UBE2Q1: variants seen among roughly 807,000 people sequenced by gnomAD.
UBE2Q1 encodes ubiquitin-conjugating enzyme E2 Q1.
A neutral mutation model predicts 60.1 loss-of-function variants in UBE2Q1; 6 were observed. That is an observed-to-expected ratio of 0.10 (90% confidence interval 0.05 to 0.20). UBE2Q1 has a LOEUF of 0.20. Ranked by LOEUF, UBE2Q1 falls within the 10% of genes least tolerant of loss-of-function variation. The probability of loss-of-function intolerance (pLI) is 1.00; values close to 1 mark genes in which losing one functional copy is unlikely to be tolerated. For synonymous variants in UBE2Q1, 226 were observed against 208.3 expected (o/e 1.09, Z -0.73); for missense variants, 262 against 525.8 (o/e 0.50, Z 4.91).
chr1:154,557,810 C>G (rs1695918702), intron 1 of UBE2Q1, among the ~76,000 whole-genome samples: 1 of 152,120 alleles, frequency 6.6e-6, no homozygotes, highest in Non-Finnish European at 1.5e-5. Flanking sequence ...GGGGGCATCG[C>G]TGAAATGTGC....
rs1269992544 is a variant in UBE2Q1 at position 154,550,250 on chromosome 1, AAC to A, written c.*186_*187del. 1 of 812,082 alleles carries A rather than the reference AAC, an allele frequency of 1.2e-6. No homozygotes were observed. The highest frequency in any genetic ancestry group is 1.7e-5 in the African/African-American group (1 of 57,972). 50.3% of individuals were successfully genotyped at this position (812,082 alleles called of 1,614,324 possible). On this transcript the variant is annotated 3_prime_UTR_variant, in exon 13 of 13. Transcript: ENST00000292211. ...CTGTAAGTCAGTCTTGAGTACTTGA[AAC>A]AGTTCTGTGTTTGTTTTTTTTCCTT... is the stretch of plus-strand genomic sequence containing the variant.
intron 1 of UBE2Q1, among the ~76,000 whole-genome samples, chr1:154,557,725 G>C (rs1048709392): frequency 2.6e-5 from 4 of 152,204 alleles, no homozygotes; most frequent in African/African-American, 9.7e-5. Context: ...GAGAGAGCAA[G>C]AGGGTCTGCA....
intron 12 of UBE2Q1, 69 bp downstream of exon 12, chr1:154,550,869 C>A: frequency 6.2e-7 from 1 of 1,612,978 alleles, no homozygotes; most frequent in South Asian, 1.1e-5. Context: ...GGTTCTTGCT[C>A]TGTGGCTGGA....
chr1:154,548,770 C>T lies in UBE2Q1; in HGVS notation c.*1668G>A, dbSNP rs1447341727. On this transcript the variant is annotated 3_prime_UTR_variant, in exon 13 of 13. Coordinates refer to ENST00000292211, the MANE Select transcript of UBE2Q1 (RefSeq NM_017582.7). ...ATTTCAGCTCTATGGAATGAATTTT[C>T]CCCTTATGTCCCGTCTTTATCTCAA... 6.6e-6 allele frequency: 1 copy of T among 152,578 alleles called. No individual in the cohort carries two copies. Among genetic ancestry groups the T allele is most frequent in the Non-Finnish European group, 1.5e-5 (1 of 68,050 alleles). The allele number at this position is 152,578 out of a possible 1,614,324, so 9.5% of individuals were successfully genotyped here. A position where few individuals can be genotyped will look rare whatever the true frequency, so the allele number is the denominator to read the frequency against.
Position 154,552,736 on chromosome 1 carries a change from C to T in UBE2Q1, c.814G>A (p.Gly272Arg). 2 of 1,613,812 alleles carry T rather than the reference C, an allele frequency of 1.2e-6. No individual in the cohort carries two copies. Among genetic ancestry groups the T allele is most frequent in the South Asian group, 1.1e-5 (1 of 91,024 alleles). ...AGGCCCCTCTCTGGGGCAAACTCAC[C>T]GCCTTTGAAACTCTGTGATCGGTAT... is the stretch of plus-strand genomic sequence containing the variant. ...DIYRSQSFKG[G>R]NYAVELVNDS... Residue 272 changes from glycine to arginine, a missense_variant and splice_region_variant, in exon 6 of 13, where the codon GGA becomes AGA. Gly to Arg is a moderately radical substitution (Grantham distance 125, BLOSUM62 -2). Coordinates refer to ENST00000292211, the MANE Select transcript of UBE2Q1 (RefSeq NM_017582.7).
intron 1 of UBE2Q1, among the ~76,000 whole-genome samples, chr1:154,557,635 TAG>T (rs777293175): frequency 1.3e-5 from 2 of 152,112 alleles, no homozygotes; most frequent in Admixed American, 6.5e-5. Context: ...AGAGGAGAGT[TAG>T]AGGTTACACC....
At chr1:154,553,377 T>C (rs1695825984) in intron 4 of UBE2Q1, among the ~76,000 whole-genome samples, 1 of 152,222 alleles carries the variant, frequency 6.6e-6, no homozygotes, top group African/African-American at 2.4e-5. Flanking sequence ...AATCTTCAGC[T>C]CTCAAGCTAC....
chr1:154,552,647 C>T, intron 6 of UBE2Q1, 89 bp downstream of exon 6: 3 of 1,518,248 alleles, frequency 2.0e-6, no homozygotes, highest in Non-Finnish European at 2.7e-6. Context: ...CATAAGCACT[C>T]CTGGACCCCA....
chr1:154,553,888 A>G (rs1695838965), intron 4 of UBE2Q1, among the ~76,000 whole-genome samples: 1 of 152,204 alleles, frequency 6.6e-6, no homozygotes, highest in Middle Eastern at 3.2e-3. Context: ...ACTATCTGGG[A>G]GGAGTAAATT....
At chr1:154,556,279 C>T (rs1367160364) in intron 1 of UBE2Q1, among the ~76,000 whole-genome samples, 2 of 152,206 alleles carry the variant, frequency 1.3e-5, no homozygotes, top group Non-Finnish European at 2.9e-5. Flanking sequence ...GACTCCTCAT[C>T]TCCTGCACTG....
Position 154,555,932 on chromosome 1 carries a change from C to T in UBE2Q1, c.360G>A (p.Ser120=), listed in dbSNP as rs1307219138. 7 of 1,614,046 alleles carry T rather than the reference C, an allele frequency of 4.3e-6. No homozygotes were observed. Among genetic ancestry groups the T allele is most frequent in the East Asian group, 2.2e-5 (1 of 44,884 alleles). The part of the protein sequence containing the change: ...ESYPAVPPIW[S]VESDDPNLAA... Reference sequence around the variant, plus strand: ...CCAAGTTAGGGTCATCAGACTCCACCGACCAGATGGGGGGCACAGCAGGGT... The same window carrying T: ...CCAAGTTAGGGTCATCAGACTCCACTGACCAGATGGGGGGCACAGCAGGGT... The change falls in exon 2 of 13, where the codon TCG becomes TCA. Residue 120 remains serine, a synonymous_variant. Transcript: ENST00000292211.
intron 4 of UBE2Q1, 77 bp downstream of exon 4, chr1:154,554,658 T>C: frequency 7.0e-7 from 1 of 1,437,612 alleles, no homozygotes; most frequent in Non-Finnish European, 9.7e-7. Flanking sequence ...AGTTTTAGAC[T>C]GGAGTTCTGG....
chr1:154,551,116 G>T, intron 11 of UBE2Q1, 112 bp from the exon 12 acceptor site: 1 of 1,240,640 alleles, frequency 8.1e-7, no homozygotes, highest in Non-Finnish European at 1.2e-6. Context: ...CAGCACTGTG[G>T]TCTAGTAAAA....
Position 154,549,610 on chromosome 1 carries a change from A to G in UBE2Q1, c.*828T>C, listed in dbSNP as rs566148347. 1 of 152,794 alleles carries G rather than the reference A, an allele frequency of 6.5e-6. No individual in the cohort carries two copies. The highest frequency in any genetic ancestry group is 2.4e-5 in the African/African-American group (1 of 41,578). 9.5% of individuals were successfully genotyped at this position (152,794 alleles called of 1,614,324 possible). A position where few individuals can be genotyped will look rare whatever the true frequency, so the allele number is the denominator to read the frequency against. ...CTGTGTCCCCATCCCCACTCAATTC[A>G]TTCAAAAGGAATTCTACGAAGCAGC... On this transcript the variant is annotated 3_prime_UTR_variant, in exon 13 of 13. Coordinates refer to ENST00000292211, the MANE Select transcript of UBE2Q1 (RefSeq NM_017582.7).
chr1:154,556,149 G>A (rs555549442), intron 1 of UBE2Q1, among the ~76,000 whole-genome samples, 185 bp from the exon 2 acceptor site: 1 of 148,244 alleles, frequency 6.7e-6, no homozygotes, highest in East Asian at 2.0e-4. Context: ...TTCTAAACTG[G>A]AAGAAAAACA....
At chr1:154,552,879 G>T in intron 5 of UBE2Q1, 59 bp from the exon 6 acceptor site, 2 of 1,603,320 alleles carry the variant, frequency 1.2e-6, no homozygotes, top group South Asian at 2.2e-5. Context: ...ACACACGTTA[G>T]ACCTTAGGGG....
rs1001460027 is a variant in UBE2Q1 at position 154,552,538 on chromosome 1, C to T, written c.815-74G>A. On this transcript the variant is annotated intron_variant, in intron 6 of 12. Coordinates refer to ENST00000292211, the MANE Select transcript of UBE2Q1 (RefSeq NM_017582.7). ...GTGGTCTCTAATGCAGACCCCTTTC[C>T]CAGACTGAGAGAAAAAGATCAACAG... The T allele has an allele frequency of 3.8e-6, 6 of 1,563,372 alleles. No homozygotes were observed. The African/African-American group carries it at 8.2e-5, about 21-fold the overall frequency.
intron 4 of UBE2Q1, among the ~76,000 whole-genome samples, chr1:154,553,400 G>C (rs1308854462): frequency 6.6e-6 from 1 of 152,176 alleles, no homozygotes; most frequent in South Asian, 2.1e-4. Flanking sequence ...CAAGGACTTC[G>C]GAAACGAGCA....
At chr1:154,552,613 G>A (rs989631119) in intron 6 of UBE2Q1, 123 bp downstream of exon 6, 6 of 1,422,006 alleles carry the variant, frequency 4.2e-6, no homozygotes, top group South Asian at 1.3e-5. Flanking sequence ...GGCTTGAGGA[G>A]CTCCATTCTT....
Sources: gnomAD v4.1 joint callset for allele counts (sites outside exome capture counted in the v4.1 genomes callset) on GRCh38, gnomAD v4.1.1 for gene constraint, MANE v1.5 for transcripts, NCBI Gene and HGNC (gene_info 2026-07-23, HGNC 2026-07-21) for gene names.